ERI1: variants seen among roughly 807,000 people sequenced by gnomAD.
ERI1 encodes exoribonuclease 1, also known as 3'-5' exoribonuclease 1.
A neutral mutation model predicts 39.7 loss-of-function variants in ERI1; 39 were observed. The ratio of observed to expected loss-of-function variants is 0.98; its 90% CI spans 0.76 to 1.28. The LOEUF (loss-of-function observed/expected upper bound fraction) is 1.28, where lower values mean the gene tolerates loss of function less well. ERI1 is among the 50% of genes most tolerant of loss of function. The pLI is 0.00. For missense variants in ERI1, 581 were observed against 416.9 expected (o/e 1.39, Z -3.43); for synonymous variants, 204 against 149.6 (o/e 1.36, Z -2.65).
rs534395568 is a variant in ERI1 at position 9,098,958 on chromosome 8, C to T, written n.300-17390C>T. Among the ~76,000 whole-genome samples, 23 of 152,134 alleles carry T rather than the reference C, an allele frequency of 1.5e-4. 1 individual carries two copies. Among genetic ancestry groups the T allele is most frequent in the Admixed American group, 7.9e-4 (12 of 15,284 alleles). On this transcript the variant is annotated intron_variant and non_coding_transcript_variant, in intron 3 of 3. Transcript: ENST00000518663. The stretch of plus-strand genomic sequence containing the variant: ...AAATGATTCTCCTGCCTCAGCTTCC[C>T]GAGTAGCTGGGATTATAGGCGCCCC...
intron 3 of ERI1, chr8:9,099,728 AATTT>A (rs1227769704): frequency 6.6e-6 from 1 of 152,162 alleles, no homozygotes; most frequent in Non-Finnish European, 1.5e-5. Context: ...ATGATACAGC[AATTT>A]ATTTATCCTT....
At chr8:9,058,371 T>G (rs1282508643) in intron 3 of ERI1, among the ~76,000 whole-genome samples, 1 of 152,202 alleles carries the variant, frequency 6.6e-6, no homozygotes, top group Non-Finnish European at 1.5e-5. Flanking sequence ...TTTCCAGAGT[T>G]AAACCAGGAA....
chr8:9,081,460 AT>A (rs1799361990), intron 3 of ERI1, among the ~76,000 whole-genome samples: 1 of 152,136 alleles, frequency 6.6e-6, no homozygotes, highest in South Asian at 2.1e-4. Context: ...ACAATAAATT[AT>A]TATTTTTTTA....
chr8:9,054,689 C>G (rs1318404562), intron 3 of ERI1, among the ~76,000 whole-genome samples: 1 of 152,222 alleles, frequency 6.6e-6, no homozygotes, highest in East Asian at 1.9e-4. Context: ...CTTTGGGAGG[C>G]CAAGGGGGGC....
chr8:9,026,042 T>C (rs1359852678), intron 6 of ERI1, among the ~76,000 whole-genome samples: 1 of 152,194 alleles, frequency 6.6e-6, no homozygotes, highest in Non-Finnish European at 1.5e-5. Context: ...TCATCTTTCC[T>C]GATGCTACCA....
In ERI1 at chr8:9,069,266, C is replaced by T. The variant is rs570471730; in HGVS notation, n.300-47082C>T. ...GAGGATCTTTTCACTTGAATCCTCT[C>T]TGAAGCTGGGTATGATAGTTTTTAA... On this transcript the variant is annotated intron_variant and non_coding_transcript_variant, in intron 3 of 3. Transcript: ENST00000518663. Among the ~76,000 whole-genome samples, 11 of 152,332 alleles carry T rather than the reference C, an allele frequency of 7.2e-5. No individual in the cohort carries two copies. The East Asian group carries it at 1.9e-3, about 27-fold the overall frequency.
intron 3 of ERI1, among the ~76,000 whole-genome samples, chr8:9,012,100 T>C (rs1816735577): frequency 6.6e-6 from 1 of 152,208 alleles, no homozygotes; most frequent in African/African-American, 2.4e-5. Flanking sequence ...AGTTCTCTGA[T>C]AGGGCCTCTG....
intron 4 of ERI1, among the ~76,000 whole-genome samples, chr8:9,016,922 A>C (rs1275076949): frequency 6.6e-6 from 1 of 152,148 alleles, no homozygotes; most frequent in African/African-American, 2.4e-5. Flanking sequence ...CCTAACCTCA[A>C]GTGTCCCGCC....
chr8:9,052,276 TTTCTTCCA>T (rs1798381611), intron 3 of ERI1, among the ~76,000 whole-genome samples: 1 of 152,350 alleles, frequency 6.6e-6, no homozygotes, highest in East Asian at 1.9e-4. Flanking sequence ...ATTTCTCTGC[TTTCTTCCA>T]TTCTTCCGTG....
At chr8:9,026,858 TAA>T (rs58454617) in intron 6 of ERI1, among the ~76,000 whole-genome samples, 22 of 148,290 alleles carry the variant, frequency 1.5e-4, no homozygotes, top group South Asian at 6.4e-4. Flanking sequence ...TGTACCACGT[TAA>T]AAAAAAAAAA....
chr8:9,044,019 C>A (rs1295159109), intron 3 of ERI1, among the ~76,000 whole-genome samples: 1 of 152,080 alleles, frequency 6.6e-6, no homozygotes, highest in African/African-American at 2.4e-5. Context: ...GATCTTGGTT[C>A]TGAGACTTAC....
intron 3 of ERI1, among the ~76,000 whole-genome samples, chr8:9,066,818 GGC>G (rs1166334827): frequency 6.6e-6 from 1 of 152,072 alleles, no homozygotes; most frequent in Non-Finnish European, 1.5e-5. Context: ...TCTCTGTGGT[GGC>G]TTCTATTTTG....
intron 6 of ERI1, among the ~76,000 whole-genome samples, chr8:9,021,782 T>C (rs1432472609): frequency 7.3e-6 from 1 of 136,240 alleles, no homozygotes; most frequent in Non-Finnish European, 1.6e-5. Flanking sequence ...TTGTTTTTTT[T>C]TTTTTTTCAA....
intron 3 of ERI1, among the ~76,000 whole-genome samples, chr8:9,092,032 C>G (rs936855456): frequency 1.3e-5 from 2 of 152,202 alleles, no homozygotes; most frequent in Non-Finnish European, 2.9e-5. Flanking sequence ...TCTCGGCTCA[C>G]TGCAACCTCC....
At position 9,023,134 on chromosome 8, in the gene ERI1, T is replaced by C. The variant is rs191694666; in HGVS notation, c.807+2670T>C. Reference sequence around the variant, plus strand: ...CTCTTAAGTTTTTTAGTCTTTGATATGTTTGGTATGTTAATACATCTCTTT... The same window carrying C: ...CTCTTAAGTTTTTTAGTCTTTGATACGTTTGGTATGTTAATACATCTCTTT... On this transcript the variant is annotated intron_variant, in intron 6 of 6. Transcript: ENST00000250263. Among the ~76,000 whole-genome samples, 4 of 152,356 alleles carry C rather than the reference T, an allele frequency of 2.6e-5. No individual in the cohort carries two copies. The East Asian group carries it at 5.8e-4, about 22-fold the overall frequency.
chr8:9,029,971 T>G lies in ERI1; in HGVS notation c.987T>G (p.Ser329Arg). The G allele has an allele frequency of 6.2e-7, 1 of 1,614,000 alleles. No homozygotes were observed. The highest frequency in any genetic ancestry group is 8.5e-7 in the Non-Finnish European group (1 of 1,179,956). ...NEKMHAGQLM[S>R]VSSSLPIEGT... Reference sequence around the variant, plus strand: ...AAATGCATGCAGGACAGCTAATGAGTGTGTCCTCTTCCTTACCAATAGAGG... The same window carrying G: ...AAATGCATGCAGGACAGCTAATGAGGGTGTCCTCTTCCTTACCAATAGAGG... Residue 329 changes from serine to arginine, a missense_variant, in exon 7 of 7, where the codon AGT becomes AGG. Physicochemically the swap from Ser to Arg is moderately radical, Grantham distance 110. Coordinates refer to ENST00000250263, the MANE Select transcript of ERI1 (RefSeq NM_153332.4).
chr8:9,050,071 T>A (rs935033314), intron 3 of ERI1, among the ~76,000 whole-genome samples: 1 of 151,836 alleles, frequency 6.6e-6, no homozygotes, highest in Non-Finnish European at 1.5e-5. Flanking sequence ...GTCTGTAAGA[T>A]AGAACTAATA....
chr8:9,005,639 T>G (rs59137033), intron 1 of ERI1, among the ~76,000 whole-genome samples: 5,548 of 150,552 alleles, frequency 0.037, 303 homozygotes, highest in African/African-American at 0.11. Context: ...CTCAGCCTCC[T>G]GAGTAGCTGG....
intron 5 of ERI1, among the ~76,000 whole-genome samples, chr8:9,018,805 G>A (rs7826478): frequency 0.3 from 45,492 of 151,778 alleles, 7,345 homozygotes; most frequent in African/African-American, 0.38. Flanking sequence ...AATTCACATG[G>A]TTTACCCTTT....
Sources: allele counts gnomAD v4.1 joint callset (sites outside exome capture counted in the v4.1 genomes callset), GRCh38; gene constraint gnomAD v4.1.1; transcripts MANE v1.5; gene names NCBI Gene and HGNC (gene_info 2026-07-23, HGNC 2026-07-21).